The following AK8 variants were observed in gnomAD, a reference collection of about 807,000 sequenced individuals.
AK8 encodes adenylate kinase 8, also known as ATP-AMP transphosphorylase 8.
Under a neutral mutation model 54.6 loss-of-function variants are expected in AK8, and 44 were observed. The ratio of observed to expected loss-of-function variants is 0.81; its 90% CI spans 0.63 to 1.04. The LOEUF is 1.04. Among genes scored for constraint, AK8 ranks in the 50% least tolerant of loss-of-function variants. The pLI is 0.00. For missense variants in AK8, 555 were observed against 613.6 expected (o/e 0.90, Z 1.01); for synonymous variants, 239 against 245.6 (o/e 0.97, Z 0.25).
chr9:132,757,333 C>T lies in AK8; in HGVS notation c.1122-29799G>A, dbSNP rs547406287. On this transcript the variant is annotated intron_variant, in intron 11 of 12. Transcript: ENST00000298545. ...AACGAGGCCGTGTCCAACCCGCTGG[C>T]CTCTGGGGAAGGAGGGCCCGCCATC... Among the ~76,000 whole-genome samples, 103 of 152,312 alleles carry T rather than the reference C, an allele frequency of 6.8e-4. 3 individuals are homozygous for T. The highest frequency in any genetic ancestry group is 6.1e-3 in the Admixed American group (94 of 15,300).
In AK8 at chr9:132,780,811, T is replaced by A. The variant is rs559016233; in HGVS notation, c.1121+11823A>T. 1.1e-4 allele frequency among the ~76,000 whole-genome samples: 17 copies of A among 152,272 alleles called. 1 individual carries two copies. In the South Asian group the frequency reaches 2.5e-3, roughly 22 times the overall value. ...CAAGATTAAAACTCCCTGCTACCAT[T>A]TTGCTGAATGTCATTGCCACTGACT... On this transcript the variant is annotated intron_variant, in intron 11 of 12. Coordinates refer to ENST00000298545, the MANE Select transcript of AK8 (RefSeq NM_152572.3).
chr9:132,761,860 C>CCT (rs766524420), intron 11 of AK8, among the ~76,000 whole-genome samples: 8 of 146,878 alleles, frequency 5.4e-5, no homozygotes, highest in East Asian at 4.1e-4. Flanking sequence ...TTCTTTTCTT[C>CCT]CTCTCTCTCT....
chr9:132,796,990 G>C (rs1224241159), intron 10 of AK8, among the ~76,000 whole-genome samples: 1 of 152,132 alleles, frequency 6.6e-6, no homozygotes, highest in African/African-American at 2.4e-5. Flanking sequence ...CGGAGGCAGG[G>C]AGGGCCAAAT....
intron 5 of AK8, among the ~76,000 whole-genome samples, chr9:132,854,134 G>A (rs1339255173): frequency 6.6e-6 from 1 of 152,168 alleles, no homozygotes; most frequent in African/African-American, 2.4e-5. Flanking sequence ...CTGGGAAGTT[G>A]AGGCTAAGTG....
intron 11 of AK8, among the ~76,000 whole-genome samples, chr9:132,785,264 C>T (rs565742975): frequency 6.5e-4 from 99 of 152,168 alleles, no homozygotes; most frequent in African/African-American, 2.3e-3. Flanking sequence ...CCACCATGCC[C>T]GGCTAATTTT....
At chr9:132,846,028 G>A (rs1024743134) in intron 5 of AK8, among the ~76,000 whole-genome samples, 9 of 152,140 alleles carry the variant, frequency 5.9e-5, no homozygotes, top group Admixed American at 1.3e-4. Flanking sequence ...ATAGCCAGTG[G>A]GACACACAGA....
At chr9:132,779,915 G>C (rs1169420343) in intron 11 of AK8, among the ~76,000 whole-genome samples, 1 of 152,202 alleles carries the variant, frequency 6.6e-6, no homozygotes, top group African/African-American at 2.4e-5. Flanking sequence ...CTCTAACGCT[G>C]ACTGCCTTTT....
At chr9:132,833,919 G>A (rs755921756) in intron 5 of AK8, among the ~76,000 whole-genome samples, 1 of 152,232 alleles carries the variant, frequency 6.6e-6, no homozygotes, top group Non-Finnish European at 1.5e-5. Flanking sequence ...TTTTTGATGC[G>A]TTGCCTTTCC....
intron 5 of AK8, among the ~76,000 whole-genome samples, chr9:132,843,505 G>A (rs1182559070): frequency 1.3e-5 from 2 of 152,130 alleles, no homozygotes; most frequent in South Asian, 2.1e-4. Flanking sequence ...TGCAAGAATG[G>A]CCTAATGCAA....
At chr9:132,762,324 C>A (rs959927907) in intron 11 of AK8, among the ~76,000 whole-genome samples, 14 of 152,110 alleles carry the variant, frequency 9.2e-5, no homozygotes, top group Non-Finnish European at 2.1e-4. Flanking sequence ...ATTTTTTAAC[C>A]TAGGTCAGCG....
intron 11 of AK8, among the ~76,000 whole-genome samples, chr9:132,772,769 T>A (rs73659478): frequency 6.6e-6 from 1 of 152,160 alleles, no homozygotes; most frequent in African/African-American, 2.4e-5. Context: ...AGCAAGCACC[T>A]GAGCTCTCTG....
chr9:132,870,118 G>A (rs552508888), intron 2 of AK8, among the ~76,000 whole-genome samples: 7 of 152,278 alleles, frequency 4.6e-5, no homozygotes, highest in South Asian at 2.1e-4. Flanking sequence ...GAGAGTTCCC[G>A]GGCTGGGGGC....
intron 4 of AK8, among the ~76,000 whole-genome samples, chr9:132,856,797 C>T (rs1292172064): frequency 6.6e-6 from 1 of 152,090 alleles, no homozygotes; most frequent in Non-Finnish European, 1.5e-5. Flanking sequence ...GGAATGAAAC[C>T]AGCACAAAGG....
At chr9:132,840,448 A>AC (rs61402800) in intron 5 of AK8, among the ~76,000 whole-genome samples, 47 of 145,604 alleles carry the variant, frequency 3.2e-4, no homozygotes, top group South Asian at 6.7e-4. Context: ...ACACACACAC[A>AC]AGGCAAGTGA....
chr9:132,839,185 C>T (rs1842438657), intron 5 of AK8, among the ~76,000 whole-genome samples: 1 of 152,198 alleles, frequency 6.6e-6, no homozygotes, highest in South Asian at 2.1e-4. Flanking sequence ...CTCAAAAGAT[C>T]CACCCGCCTA....
chr9:132,831,463 C>T (rs963029652), intron 5 of AK8, among the ~76,000 whole-genome samples: 12 of 152,150 alleles, frequency 7.9e-5, no homozygotes, highest in African/African-American at 2.9e-4. Context: ...CAATGTAATG[C>T]TTTAGACTTG....
At chr9:132,793,138 A>C (rs554659277) in intron 10 of AK8, among the ~76,000 whole-genome samples, 1 of 152,306 alleles carries the variant, frequency 6.6e-6, no homozygotes, top group African/African-American at 2.4e-5. Flanking sequence ...TCTAAGATCA[A>C]GTCAGATTCA....
chr9:132,755,248 C>T (rs1298930516), intron 11 of AK8, among the ~76,000 whole-genome samples: 1 of 152,210 alleles, frequency 6.6e-6, no homozygotes, highest in Non-Finnish European at 1.5e-5. Flanking sequence ...TGGAACACTA[C>T]TGTGTCCTGG....
intron 4 of AK8, among the ~76,000 whole-genome samples, chr9:132,857,810 C>T (rs369731559): frequency 7.9e-5 from 12 of 152,230 alleles, no homozygotes; most frequent in Non-Finnish European, 2.9e-5. Flanking sequence ...GACAGGCCTG[C>T]GGCTTTGAGC....
Sources: gnomAD v4.1 joint callset for allele counts (sites outside exome capture counted in the v4.1 genomes callset) on GRCh38, gnomAD v4.1.1 for gene constraint, MANE v1.5 for transcripts, NCBI Gene and HGNC (gene_info 2026-07-23, HGNC 2026-07-21) for gene names.